KLF12: variants seen among roughly 807,000 people sequenced by gnomAD.
KLF12 encodes the protein Krueppel-like factor 12.
KLF12 carries 9 observed loss-of-function variants against 37.8 expected under a neutral mutation model. That is an observed-to-expected ratio of 0.24 (90% CI 0.14 to 0.42). The LOEUF (loss-of-function observed/expected upper bound fraction) is 0.42. Among genes scored for constraint, KLF12 ranks in the 10% least tolerant of loss-of-function variants. The probability of loss-of-function intolerance (pLI) is 1.00; values close to 1 mark genes in which losing one functional copy is unlikely to be tolerated. For missense variants in KLF12, 411 were observed against 516.0 expected (o/e 0.80, Z 1.97); for synonymous variants, 208 against 202.1 (o/e 1.03, Z -0.25).
chr13:73,716,555 C>A lies in KLF12; in HGVS notation c.870-1030G>T, dbSNP rs377166542. 2.7e-4 allele frequency among the ~76,000 whole-genome samples: 41 copies of A among 152,208 alleles called. 5 individuals are homozygous for A. The highest frequency in any genetic ancestry group is 1.7e-3 in the Admixed American group (26 of 15,292). ...GATCAATTCCCCCCTTGTTTTCCAC[C>A]ATTATCCTGGTCCTTTCTCCTCCTT... On this transcript the variant is annotated intron_variant, in intron 6 of 7. Coordinates refer to ENST00000377669, the MANE Select transcript of KLF12 (RefSeq NM_007249.5).
chr13:74,038,292 T>A (rs1264411598), intron 1 of KLF12, among the ~76,000 whole-genome samples: 5 of 152,222 alleles, frequency 3.3e-5, no homozygotes, highest in Non-Finnish European at 7.3e-5. Flanking sequence ...TCAAAAAGGC[T>A]GTCAGTTGCA....
At position 73,923,402 on chromosome 13, in the gene KLF12, C is replaced by T. The variant is rs6650352; in HGVS notation, c.123+20579G>A. 1.2e-4 allele frequency among the ~76,000 whole-genome samples: 18 copies of T among 152,268 alleles called. No homozygotes were observed. The East Asian group carries it at 2.7e-3, about 23-fold the overall frequency. On this transcript the variant is annotated intron_variant, in intron 3 of 7. Coordinates refer to ENST00000377669, the MANE Select transcript of KLF12 (RefSeq NM_007249.5). ...TAACTCAATTTCCTCCCAACTCTCA[C>T]GGAGTTTTAAAGGAATCATTTGTGC... is the stretch of plus-strand genomic sequence containing the variant.
At chr13:73,703,417 C>T (rs1182331481) in intron 7 of KLF12, among the ~76,000 whole-genome samples, 2 of 152,040 alleles carry the variant, frequency 1.3e-5, no homozygotes, top group Non-Finnish European at 2.9e-5. Flanking sequence ...GCCAAGCAGA[C>T]CAATCTATTC....
At chr13:73,926,010 T>G (rs1889357588) in intron 3 of KLF12, among the ~76,000 whole-genome samples, 1 of 152,216 alleles carries the variant, frequency 6.6e-6, no homozygotes, top group Non-Finnish European at 1.5e-5. Context: ...AAATGGTTTC[T>G]TTAGATGGAA....
intron 1 of KLF12, among the ~76,000 whole-genome samples, chr13:74,066,405 T>C (rs1345686482): frequency 1.3e-5 from 2 of 152,156 alleles, no homozygotes; most frequent in Admixed American, 1.3e-4. Context: ...CTCAGGCCTA[T>C]AATCCCAACA....
At chr13:74,093,537 T>C (rs116107108) in intron 1 of KLF12, among the ~76,000 whole-genome samples, 1,983 of 152,230 alleles carry the variant, frequency 0.013, 46 homozygotes, top group African/African-American at 0.045. Flanking sequence ...AAAAAGAACA[T>C]TGTAAACTAT....
the KLF12 span, among the ~76,000 whole-genome samples, chr13:74,271,533 A>G: frequency 2.6e-5 from 4 of 152,182 alleles, no homozygotes; most frequent in Non-Finnish European, 5.9e-5. Flanking sequence ...ACTGTGTTGC[A>G]TTTATAATAC....
At chr13:73,871,413 A>G (rs1412974173) in intron 3 of KLF12, among the ~76,000 whole-genome samples, 1 of 152,178 alleles carries the variant, frequency 6.6e-6, no homozygotes, top group African/African-American at 2.4e-5. Context: ...TTCCTGTACC[A>G]TACACTAACT....
At chr13:74,237,582 T>C in the KLF12 span, among the ~76,000 whole-genome samples, 7 of 149,900 alleles carry the variant, frequency 4.7e-5, no homozygotes, top group African/African-American at 7.6e-5. Context: ...GAGCATGGAA[T>C]GTTCTTCCAT....
intron 2 of KLF12, among the ~76,000 whole-genome samples, chr13:73,969,991 G>C (rs939104076): frequency 6.6e-6 from 1 of 152,138 alleles, no homozygotes; most frequent in African/African-American, 2.4e-5. Flanking sequence ...AAATCCCACA[G>C]TGCTTAGTTA....
chr13:73,695,438 G>T lies in KLF12; in HGVS notation c.*52C>A. 1.9e-6 allele frequency: 3 copies of T among 1,565,140 alleles called. No homozygotes were observed. Among genetic ancestry groups the T allele is most frequent in the African/African-American group, 1.4e-5 (1 of 74,064 alleles). ...GAAGGGGATTCAGCCCTGCTGAATT[G>T]GGTGCCGCTAAGAGATCCAGCTCTT... On this transcript the variant is annotated 3_prime_UTR_variant, in exon 8 of 8. Coordinates refer to ENST00000377669, the MANE Select transcript of KLF12 (RefSeq NM_007249.5).
At chr13:74,061,707 G>C (rs1393828739) in intron 1 of KLF12, among the ~76,000 whole-genome samples, 1 of 152,094 alleles carries the variant, frequency 6.6e-6, no homozygotes, top group Non-Finnish European at 1.5e-5. Flanking sequence ...ACTGAAACAT[G>C]GTGGCACTCT....
rs74095771 is a variant in KLF12, at chr13:73,821,790, A to G, written c.671-8503T>C. Among the ~76,000 whole-genome samples the G allele has an allele frequency of 7.3e-3, 1,113 of 152,216 alleles. 15 individuals are homozygous for G. Among genetic ancestry groups the G allele is most frequent in the African/African-American group, 0.025 (1,036 of 41,528 alleles). On this transcript the variant is annotated intron_variant, in intron 4 of 7. Coordinates refer to ENST00000377669, the MANE Select transcript of KLF12 (RefSeq NM_007249.5). ...GAAGCCCCTGAATCCAGCTTTATCT[A>G]GCCATTTCCTTCCATTTCACAATTC...
At chr13:73,719,165 G>A (rs560076133) in intron 6 of KLF12, among the ~76,000 whole-genome samples, 4 of 152,302 alleles carry the variant, frequency 2.6e-5, no homozygotes, top group Non-Finnish European at 5.9e-5. Context: ...AGGAAGGTAA[G>A]TGAAGCTGAG....
chr13:74,114,452 T>G (rs1877166815), intron 1 of KLF12, among the ~76,000 whole-genome samples: 1 of 152,176 alleles, frequency 6.6e-6, no homozygotes, highest in South Asian at 2.1e-4. Context: ...ATTGAGATAT[T>G]TGCTTTATTG....
chr13:73,757,463 C>A (rs1438168276), intron 6 of KLF12, among the ~76,000 whole-genome samples: 1 of 152,140 alleles, frequency 6.6e-6, no homozygotes, highest in African/African-American at 2.4e-5. Context: ...AGGGAAATTA[C>A]TAAGAAACTT....
intron 2 of KLF12, among the ~76,000 whole-genome samples, chr13:73,992,776 T>G (rs1892004280): frequency 6.6e-6 from 1 of 152,190 alleles, no homozygotes; most frequent in Non-Finnish European, 1.5e-5. Flanking sequence ...ATTTGAAATG[T>G]AAAAAAAGAT....
intron 1 of KLF12, among the ~76,000 whole-genome samples, chr13:74,050,802 T>G (rs1872867492): frequency 6.6e-6 from 1 of 152,048 alleles, no homozygotes; most frequent in Admixed American, 6.5e-5. Context: ...TGAGAGATAA[T>G]ATCTGCTAAA....
intron 6 of KLF12, among the ~76,000 whole-genome samples, chr13:73,732,974 G>A (rs1019613771): frequency 1.3e-5 from 2 of 152,046 alleles, no homozygotes; most frequent in East Asian, 3.9e-4. Context: ...CTCTTCTATA[G>A]CTTATACAGG....
Sources: gnomAD v4.1 joint callset for allele counts (sites outside exome capture counted in the v4.1 genomes callset) on GRCh38, gnomAD v4.1.1 for gene constraint, MANE v1.5 for transcripts, NCBI Gene and HGNC (gene_info 2026-07-23, HGNC 2026-07-21) for gene names.